The following ANO3 variants were observed in gnomAD, a reference collection of about 807,000 sequenced individuals.
The protein encoded by ANO3 is anoctamin-3.
Under a neutral mutation model 144.8 loss-of-function variants are expected in ANO3, and 99 were observed. That is an observed-to-expected ratio of 0.68 (90% CI 0.58 to 0.81). ANO3 has a LOEUF of 0.81. Ranked by LOEUF, ANO3 falls within the 30% of genes least tolerant of loss-of-function variation. The pLI is 0.00. For synonymous variants in ANO3, 414 were observed against 392.6 expected (o/e 1.05, Z -0.64); for missense variants, 905 against 1,202.2 (o/e 0.75, Z 3.66).
chr11:26,233,315 T>C (rs1403040339), intron 1 of ANO3, among the ~76,000 whole-genome samples: 3 of 151,670 alleles, frequency 2.0e-5, no homozygotes, highest in Admixed American at 6.6e-5. Flanking sequence ...GAATAAGACA[T>C]TTATGTGGCC....
intron 23 of ANO3, 135 bp from the exon 24 acceptor site, chr11:26,647,574 A>T: frequency 1.5e-6 from 1 of 685,248 alleles, no homozygotes; most frequent in Non-Finnish European, 2.4e-6. Context: ...GTATTGAGAT[A>T]GTATAATAAG....
intron 14 of ANO3, among the ~76,000 whole-genome samples, chr11:26,592,510 C>G (rs529783826): frequency 1.2e-4 from 18 of 151,124 alleles, no homozygotes; most frequent in African/African-American, 3.9e-4. Flanking sequence ...AAGGGAAGGC[C>G]TCTGCCCAAC....
intron 17 of ANO3, among the ~76,000 whole-genome samples, chr11:26,607,720 C>T (rs995354756): frequency 2.0e-5 from 3 of 152,126 alleles, no homozygotes; most frequent in African/African-American, 2.4e-5. Flanking sequence ...ATCACTTGGT[C>T]GATTCAGCTA....
At chr11:26,309,801 CA>C (rs75547075) in intron 1 of ANO3, 266,104 of 604,570 alleles carry the variant, frequency 0.44, 69,831 homozygotes, top group African/African-American at 0.58. Flanking sequence ...AGAGTCTTTA[CA>C]GGGGGGGTGA....
chr11:26,648,358 A>G (rs1221179846), intron 24 of ANO3, among the ~76,000 whole-genome samples: 1 of 152,160 alleles, frequency 6.6e-6, no homozygotes, highest in Non-Finnish European at 1.5e-5. Context: ...CCTGTCTCCC[A>G]TGTATTTTCT....
At position 26,346,777 on chromosome 11, in the gene ANO3, G is replaced by A. The variant is rs138138139; in HGVS notation, c.46+14456G>A. Reference sequence around the variant, plus strand: ...CTGAGGAAGATCCGCTTACATTTTCGTCAATACTCATGGTGCTCCAACATA... The same window carrying A: ...CTGAGGAAGATCCGCTTACATTTTCATCAATACTCATGGTGCTCCAACATA... On this transcript the variant is annotated intron_variant, in intron 1 of 26. Coordinates refer to ENST00000256737, the MANE Select transcript of ANO3 (RefSeq NM_031418.4). Among the ~76,000 whole-genome samples the A allele has an allele frequency of 9.2e-5, 14 of 152,190 alleles. No homozygotes were observed. The South Asian group carries it at 1.2e-3, about 14-fold the overall frequency.
intron 1 of ANO3, among the ~76,000 whole-genome samples, chr11:26,197,992 T>G (rs1023154160): frequency 6.6e-6 from 1 of 152,176 alleles, no homozygotes; most frequent in Non-Finnish European, 1.5e-5. Flanking sequence ...GTCTCTTCAG[T>G]GCTGAAGATC....
At chr11:26,428,574 C>T (rs942195320) in intron 1 of ANO3, among the ~76,000 whole-genome samples, 4 of 152,148 alleles carry the variant, frequency 2.6e-5, no homozygotes, top group African/African-American at 9.7e-5. Flanking sequence ...GTATTGATAT[C>T]ATATGAAAAT....
At chr11:26,365,726 G>GT (rs1426624992) in intron 1 of ANO3, among the ~76,000 whole-genome samples, 4 of 152,090 alleles carry the variant, frequency 2.6e-5, no homozygotes, top group Non-Finnish European at 5.9e-5. Context: ...TCCCAAGGCT[G>GT]TGCAGGTCAG....
At chr11:26,581,058 C>G (rs1415938090) in intron 14 of ANO3, among the ~76,000 whole-genome samples, 2 of 152,154 alleles carry the variant, frequency 1.3e-5, no homozygotes, top group Non-Finnish European at 2.9e-5. Context: ...CAAGAAAGTT[C>G]TATTCCAAAT....
At chr11:26,304,269 T>C (rs1309627912) in intron 1 of ANO3, among the ~76,000 whole-genome samples, 5 of 152,138 alleles carry the variant, frequency 3.3e-5, no homozygotes, top group Non-Finnish European at 5.9e-5. Context: ...TTAAATAGTA[T>C]GTTGAGTACC....
chr11:26,387,308 G>A (rs1364274639), intron 1 of ANO3, among the ~76,000 whole-genome samples: 1 of 151,528 alleles, frequency 6.6e-6, no homozygotes, highest in Non-Finnish European at 1.5e-5. Context: ...ATAAAAGTAC[G>A]ATCTTAGACT....
At chr11:26,201,603 A>G (rs942528017) in intron 1 of ANO3, among the ~76,000 whole-genome samples, 4 of 152,030 alleles carry the variant, frequency 2.6e-5, no homozygotes, top group African/African-American at 9.7e-5. Flanking sequence ...GACTCATACT[A>G]CTTAACTTTG....
intron 2 of ANO3, among the ~76,000 whole-genome samples, chr11:26,443,560 C>A (rs1858601106): frequency 6.6e-6 from 1 of 152,172 alleles, no homozygotes; most frequent in Non-Finnish European, 1.5e-5. Flanking sequence ...CGAGATCATG[C>A]CATTGCACTC....
At chr11:26,648,781 G>C (rs1198384163) in intron 24 of ANO3, among the ~76,000 whole-genome samples, 2 of 152,130 alleles carry the variant, frequency 1.3e-5, no homozygotes, top group Non-Finnish European at 2.9e-5. Context: ...TGGAAGAAGC[G>C]ACAGGAGAAG....
chr11:26,524,178 G>A (rs1239983618), intron 6 of ANO3, among the ~76,000 whole-genome samples: 1 of 152,118 alleles, frequency 6.6e-6, no homozygotes, highest in African/African-American at 2.4e-5. Flanking sequence ...TGGTTCTGAA[G>A]AAAAGATGAG....
chr11:26,315,685 CCATCT>C (rs1564961780), intron 1 of ANO3, among the ~76,000 whole-genome samples: 2 of 142,268 alleles, frequency 1.4e-5, no homozygotes, highest in African/African-American at 5.3e-5. Context: ...ATCTATCTAT[CCATCT>C]ATCTATCTAT....
intron 1 of ANO3, among the ~76,000 whole-genome samples, chr11:26,412,773 C>G (rs1235118394): frequency 7.5e-6 from 1 of 132,820 alleles, no homozygotes; most frequent in South Asian, 2.5e-4. Context: ...AAGAAAGCCA[C>G]TTTTAAGGGC....
At chr11:26,444,489 A>T (rs1216587778) in intron 3 of ANO3, among the ~76,000 whole-genome samples, 1 of 152,248 alleles carries the variant, frequency 6.6e-6, no homozygotes, top group Non-Finnish European at 1.5e-5. Flanking sequence ...CTGAGTTTTC[A>T]GTAGTAGATA....
Sources: gnomAD v4.1 joint callset for allele counts (sites outside exome capture counted in the v4.1 genomes callset) on GRCh38, gnomAD v4.1.1 for gene constraint, MANE v1.5 for transcripts, NCBI Gene and HGNC (gene_info 2026-07-23, HGNC 2026-07-21) for gene names.